KCNIP4: variants seen among roughly 807,000 people sequenced by gnomAD.
KCNIP4 encodes Kv channel-interacting protein 4.
Under a neutral mutation model 34.0 loss-of-function variants are expected in KCNIP4, and 12 were observed. The ratio of observed to expected loss-of-function variants is 0.35; its 90% confidence interval spans 0.23 to 0.57. KCNIP4 has a LOEUF of 0.57. Among genes scored for constraint, KCNIP4 ranks in the 20% least tolerant of loss-of-function variants. The pLI, the probability that KCNIP4 is intolerant of heterozygous loss-of-function variation, is 0.83. For missense variants in KCNIP4, 238 were observed against 311.7 expected (o/e 0.76, Z 1.78); for synonymous variants, 124 against 102.2 (o/e 1.21, Z -1.29).
At chr4:21,385,725 G>C (rs750180699) in intron 1 of KCNIP4, among the ~76,000 whole-genome samples, 1 of 152,112 alleles carries the variant, frequency 6.6e-6, no homozygotes, top group African/African-American at 2.4e-5. Flanking sequence ...GATTGTGGCC[G>C]TGAAGCTTAG....
chr4:21,504,479 G>GAAAT (rs879472469), intron 1 of KCNIP4, among the ~76,000 whole-genome samples: 1 of 79,338 alleles, frequency 1.3e-5, no homozygotes, highest in Non-Finnish European at 2.4e-5. Context: ...AAAAAAAAAA[G>GAAAT]AAAGAAAGAA....
At chr4:21,153,420 G>T (rs1274879158) in intron 1 of KCNIP4, among the ~76,000 whole-genome samples, 1 of 150,088 alleles carries the variant, frequency 6.7e-6, no homozygotes, top group Non-Finnish European at 1.5e-5. Flanking sequence ...AAGGGCATTA[G>T]TATTTCTTTG....
chr4:21,097,917 C>A lies in KCNIP4; in HGVS notation c.62-215208G>T, dbSNP rs544651124. On this transcript the variant is annotated intron_variant, in intron 1 of 8. Transcript: ENST00000382152. The stretch of plus-strand genomic sequence containing the variant: ...TAGGCCAAAAGCTAGGACTCTTGGG[C>A]CAAACAGGTAGCCAAGTTGTGAATG... Among the ~76,000 whole-genome samples the A allele has an allele frequency of 8.7e-4, 132 of 152,130 alleles. 1 individual carries two copies. The highest frequency in any genetic ancestry group is 3.0e-3 in the African/African-American group (123 of 41,510).
chr4:21,263,071 C>T lies in KCNIP4; in HGVS notation c.62-380362G>A, dbSNP rs12507112. On this transcript the variant is annotated intron_variant, in intron 1 of 8. Transcript: ENST00000382152. ...GGTTTCCATGATGTCCATCAAGTAG[C>T]TTCTGATCAGAATTCAGGTTTTCAT... 3.5e-3 allele frequency among the ~76,000 whole-genome samples: 538 copies of T among 152,278 alleles called. 3 individuals carry two copies. In the Middle Eastern group the frequency reaches 0.041, roughly 12 times the overall value.
chr4:21,333,352 C>A (rs1715842208), intron 1 of KCNIP4, among the ~76,000 whole-genome samples: 1 of 151,620 alleles, frequency 6.6e-6, no homozygotes, highest in South Asian at 2.1e-4. Flanking sequence ...TGTTGACAAG[C>A]AAATGTGATA....
intron 3 of KCNIP4, among the ~76,000 whole-genome samples, chr4:20,834,473 A>G (rs1158345504): frequency 1.3e-5 from 2 of 152,306 alleles, no homozygotes; most frequent in East Asian, 3.9e-4. Flanking sequence ...AATGCTAAGT[A>G]AGGAACAAAC....
At chr4:20,827,179 A>G (rs897728014) in intron 3 of KCNIP4, among the ~76,000 whole-genome samples, 1 of 152,158 alleles carries the variant, frequency 6.6e-6, no homozygotes, top group African/African-American at 2.4e-5. Context: ...AAATTCAACT[A>G]CTCTGAGATC....
chr4:21,508,009 T>A (rs1733987991), intron 1 of KCNIP4, among the ~76,000 whole-genome samples: 1 of 152,200 alleles, frequency 6.6e-6, no homozygotes, highest in Non-Finnish European at 1.5e-5. Flanking sequence ...TTTAAATCAC[T>A]TGTTTAGAAC....
At chr4:21,685,207 T>C (rs7658813) in intron 1 of KCNIP4, among the ~76,000 whole-genome samples, 38,522 of 152,100 alleles carry the variant, frequency 0.25, 5,987 homozygotes, top group African/African-American at 0.44. Flanking sequence ...TTTAAAATAA[T>C]TGCATAATGT....
intron 1 of KCNIP4, among the ~76,000 whole-genome samples, chr4:21,458,007 T>A (rs1399506889): frequency 2.0e-5 from 3 of 151,918 alleles, no homozygotes; most frequent in Non-Finnish European, 2.9e-5. Flanking sequence ...ACTTTTTTTT[T>A]TATACTTTAA....
At chr4:21,755,154 G>C (rs1403412963) in intron 1 of KCNIP4, among the ~76,000 whole-genome samples, 1 of 152,044 alleles carries the variant, frequency 6.6e-6, no homozygotes, top group Non-Finnish European at 1.5e-5. Context: ...GAAATAGAAA[G>C]AAAGAACATG....
chr4:20,830,141 C>A (rs1001080297), intron 3 of KCNIP4, among the ~76,000 whole-genome samples: 1 of 152,182 alleles, frequency 6.6e-6, no homozygotes, highest in East Asian at 1.9e-4. Context: ...GGCTAAATGA[C>A]ATCATGGCAT....
chr4:21,519,667 CGTGT>C (rs1318823318), intron 1 of KCNIP4, among the ~76,000 whole-genome samples: 1 of 129,854 alleles, frequency 7.7e-6, no homozygotes, highest in Non-Finnish European at 1.6e-5. Flanking sequence ...TATATATACA[CGTGT>C]GTGTATGTAT....
intron 1 of KCNIP4, among the ~76,000 whole-genome samples, chr4:21,278,108 T>C (rs1762547766): frequency 6.6e-6 from 1 of 152,198 alleles, no homozygotes; most frequent in Non-Finnish European, 1.5e-5. Flanking sequence ...CCACTTTCTT[T>C]CTTGGGAAGT....
At chr4:21,411,947 CT>C (rs1724548113) in intron 1 of KCNIP4, among the ~76,000 whole-genome samples, 1 of 152,282 alleles carries the variant, frequency 6.6e-6, no homozygotes, top group East Asian at 1.9e-4. Flanking sequence ...CATAAAGCTC[CT>C]TCTAGCATCC....
chr4:21,799,795 G>T lies in KCNIP4; in HGVS notation c.61+148776C>A, dbSNP rs993294537. On this transcript the variant is annotated intron_variant, in intron 1 of 8. Coordinates refer to ENST00000382152, the MANE Select transcript of KCNIP4 (RefSeq NM_025221.6). ...TTCCCTCCTTCTCCCTAGAACAGGG[G>T]TTAGTAAAATACACTCCATGGAGTA... 2.0e-5 allele frequency among the ~76,000 whole-genome samples: 3 copies of T among 152,112 alleles called. No homozygotes were observed. In the East Asian group the frequency reaches 5.8e-4, roughly 29 times the overall value.
intron 3 of KCNIP4, among the ~76,000 whole-genome samples, chr4:20,786,043 C>T (rs2149398271): frequency 6.6e-6 from 1 of 152,198 alleles, no homozygotes; most frequent in Admixed American, 6.5e-5. Flanking sequence ...GACGTGGAAT[C>T]AACCTAGGTA....
rs188877821 is a variant in KCNIP4, at chr4:21,036,850, C to T, written c.62-154141G>A. 2.4e-3 allele frequency among the ~76,000 whole-genome samples: 371 copies of T among 152,220 alleles called. 1 individual carries two copies. The highest frequency in any genetic ancestry group is 3.3e-3 in the Non-Finnish European group (222 of 68,016). On this transcript the variant is annotated intron_variant, in intron 1 of 8. Coordinates refer to ENST00000382152, the MANE Select transcript of KCNIP4 (RefSeq NM_025221.6). Reference sequence around the variant, plus strand: ...AACAGACCACATGTATGATGATGGTCCCATAAGATTATAATTAAACTAAAA... The same window carrying T: ...AACAGACCACATGTATGATGATGGTTCCATAAGATTATAATTAAACTAAAA...
At chr4:20,758,743 C>G in intron 4 of KCNIP4, 78 bp downstream of exon 4, 5 of 1,027,798 alleles carry the variant, frequency 4.9e-6, no homozygotes, top group Non-Finnish European at 7.6e-6. Flanking sequence ...TAGCATCATG[C>G]TATGAAAAAT....
Sources: gnomAD v4.1 joint callset for allele counts (sites outside exome capture counted in the v4.1 genomes callset) on GRCh38, gnomAD v4.1.1 for gene constraint, MANE v1.5 for transcripts, NCBI Gene and HGNC (gene_info 2026-07-23, HGNC 2026-07-21) for gene names.